Variants in PTPRN2 observed in about 807,000 individuals in gnomAD.
PTPRN2 encodes receptor-type tyrosine-protein phosphatase N2.
In PTPRN2, 74 loss-of-function variants were observed where a neutral mutation model predicts 118.8. That is an observed-to-expected ratio of 0.62 (90% CI 0.52 to 0.76). PTPRN2 has a LOEUF of 0.76. Among genes scored for constraint, PTPRN2 ranks in the 30% least tolerant of loss-of-function variants. The pLI is 0.00. For missense variants in PTPRN2, 1,481 were observed against 1,394.4 expected, an observed-to-expected ratio of 1.06 and a Z score of -0.99; for synonymous variants, 641 against 608.0, an observed-to-expected ratio of 1.05 and a Z score of -0.80.
intron 12 of PTPRN2, among the ~76,000 whole-genome samples, chr7:157,790,897 G>A (rs750757352): frequency 2.6e-5 from 4 of 152,120 alleles, no homozygotes; most frequent in Non-Finnish European, 5.9e-5. Flanking sequence ...AAGACATTCC[G>A]TTCTGTAATG....
At chr7:157,635,317 C>G (rs1739244696) in intron 14 of PTPRN2, among the ~76,000 whole-genome samples, 3 of 152,258 alleles carry the variant, frequency 2.0e-5, no homozygotes. Flanking sequence ...GTGGGAGTGC[C>G]TCCCAGTTTC....
chr7:157,849,260 T>C (rs1283897296), intron 12 of PTPRN2, among the ~76,000 whole-genome samples: 1 of 152,046 alleles, frequency 6.6e-6, no homozygotes, highest in East Asian at 1.9e-4. Context: ...GGTGCCTTTC[T>C]CCCCCAGGCT....
chr7:158,461,800 A>G (rs76827231), intron 2 of PTPRN2, among the ~76,000 whole-genome samples: 13,528 of 152,272 alleles, frequency 0.089, 667 homozygotes, highest in Middle Eastern at 0.11. Context: ...CATTATAAAT[A>G]AAGCTGTAAC....
At chr7:158,185,883 C>T (rs1825090858) in intron 5 of PTPRN2, among the ~76,000 whole-genome samples, 2 of 152,160 alleles carry the variant, frequency 1.3e-5, no homozygotes, top group South Asian at 4.1e-4. Flanking sequence ...GTCGGTCCCA[C>T]CCTGGCTTTC....
chr7:158,083,534 G>A (rs887732829), intron 10 of PTPRN2, among the ~76,000 whole-genome samples: 3 of 152,166 alleles, frequency 2.0e-5, no homozygotes, highest in African/African-American at 7.2e-5. Flanking sequence ...GAGGTTCTTG[G>A]TTCCTCAGAG....
rs375336508 is a variant in PTPRN2 at position 158,256,576 on chromosome 7, G to A, written c.278-51303C>T. Among the ~76,000 whole-genome samples, 34 of 152,222 alleles carry A rather than the reference G, an allele frequency of 2.2e-4. 1 individual carries two copies. The East Asian group carries it at 4.7e-3, about 21-fold the overall frequency. ...GGTGGTGGAGGAGACAGAAGCTGGC[G>A]GGGGCGGGGGGGAACCTAGGCAGCT... On this transcript the variant is annotated intron_variant, in intron 3 of 22. Transcript: ENST00000389418.
intron 14 of PTPRN2, among the ~76,000 whole-genome samples, chr7:157,650,724 C>T (rs755564683): frequency 3.4e-4 from 52 of 152,322 alleles, no homozygotes; most frequent in Middle Eastern, 3.4e-3. Context: ...GCCAGGGGAG[C>T]GCCTGCCAAG....
At chr7:158,180,215 C>T (rs1291306533) in intron 5 of PTPRN2, among the ~76,000 whole-genome samples, 1 of 152,230 alleles carries the variant, frequency 6.6e-6, no homozygotes, top group Non-Finnish European at 1.5e-5. Context: ...TTTACCAAAA[C>T]CATTTATCAA....
chr7:157,807,838 T>A (rs1414913316), intron 12 of PTPRN2, among the ~76,000 whole-genome samples: 3 of 152,222 alleles, frequency 2.0e-5, no homozygotes, highest in Non-Finnish European at 4.4e-5. Flanking sequence ...TGAGATCCAG[T>A]GTCTGTGGAG....
intron 1 of PTPRN2, among the ~76,000 whole-genome samples, chr7:158,522,144 G>T (rs867696271): frequency 1.4e-5 from 1 of 70,174 alleles, no homozygotes; most frequent in African/African-American, 6.2e-5. Flanking sequence ...GCTCAGGAGG[G>T]AGGTCCACGT....
intron 15 of PTPRN2, among the ~76,000 whole-genome samples, chr7:157,608,608 G>A (rs933940603): frequency 1.3e-5 from 2 of 152,134 alleles, no homozygotes; most frequent in Non-Finnish European, 2.9e-5. Context: ...TCCAGTTCCC[G>A]AGTCCCCTAA....
chr7:158,444,735 C>G lies in PTPRN2; in HGVS notation c.163+45000G>C, dbSNP rs564653433. ...CCTCAGCCTGTCTCCCTTTCCTCGT[C>G]CTCAGTGCTCCTCACAGACCCCAAG... On this transcript the variant is annotated intron_variant, in intron 2 of 22. Transcript: ENST00000389418. Among the ~76,000 whole-genome samples the G allele has an allele frequency of 4.6e-5, 7 of 152,344 alleles. No homozygotes were observed. The East Asian group carries it at 7.7e-4, about 17-fold the overall frequency.
intron 3 of PTPRN2, among the ~76,000 whole-genome samples, chr7:158,294,057 C>T (rs1245597093): frequency 6.6e-6 from 1 of 152,242 alleles, no homozygotes; most frequent in Non-Finnish European, 1.5e-5. Flanking sequence ...CTAGACTAGA[C>T]TTTCATACAA....
chr7:157,745,973 C>T (rs578124748), intron 12 of PTPRN2, among the ~76,000 whole-genome samples: 1 of 143,422 alleles, frequency 7.0e-6, no homozygotes, highest in East Asian at 2.1e-4. Context: ...TCCCCTGCAC[C>T]CCACAGTCCT....
At chr7:157,666,944 G>A (rs1002777318) in intron 13 of PTPRN2, among the ~76,000 whole-genome samples, 2 of 151,536 alleles carry the variant, frequency 1.3e-5, no homozygotes, top group African/African-American at 4.9e-5. Context: ...TCTGGTGGGT[G>A]CAATGAGTAC....
At chr7:158,492,869 C>A (rs577285020) in intron 1 of PTPRN2, among the ~76,000 whole-genome samples, 1 of 152,372 alleles carries the variant, frequency 6.6e-6, no homozygotes, top group African/African-American at 2.4e-5. Context: ...GGCTCCACAC[C>A]CGCCATGTGG....
chr7:157,904,796 C>T lies in PTPRN2; in HGVS notation c.1724-6059G>A, dbSNP rs77306044. ...ACACAGAGAGGCCCGCACCTCCCTC[C>T]TCCTGCATCGCGAACGCTGCACAAG... is the stretch of plus-strand genomic sequence containing the variant. On this transcript the variant is annotated intron_variant, in intron 11 of 22. Transcript: ENST00000389418. Among the ~76,000 whole-genome samples, 778 of 152,348 alleles carry T rather than the reference C, an allele frequency of 5.1e-3. 6 individuals carry two copies. The highest frequency in any genetic ancestry group is 0.018 in the African/African-American group (748 of 41,584).
chr7:157,822,486 T>C (rs1486292868), intron 12 of PTPRN2, among the ~76,000 whole-genome samples: 1 of 151,982 alleles, frequency 6.6e-6, no homozygotes, highest in African/African-American at 2.4e-5. Context: ...CTATATGCTA[T>C]CCATCATCCA....
Position 157,801,524 on chromosome 7 carries a change from C to T in PTPRN2, c.1788+97149G>A, listed in dbSNP as rs766701661. On this transcript the variant is annotated intron_variant, in intron 12 of 22. Transcript: ENST00000389418. This position sits in a 1 kb window ranked among gnomAD's most constrained non-coding sequence, Gnocchi z 4.2. The stretch of plus-strand genomic sequence containing the variant: ...AAACAGCACAAATCCCCATTTCTGC[C>T]CCACTGGGTTGAGAAATCTGTGGGT... Among the ~76,000 whole-genome samples, 8 of 151,952 alleles carry T rather than the reference C, an allele frequency of 5.3e-5. No homozygotes were observed. The highest frequency in any genetic ancestry group is 1.0e-4 in the Non-Finnish European group (7 of 68,006).
Sources: gnomAD v4.1 joint callset for allele counts (sites outside exome capture counted in the v4.1 genomes callset) on GRCh38, gnomAD v4.1.1 for gene constraint, Gnocchi (gnomAD v3.1) non-coding constraint, MANE v1.5 for transcripts, NCBI Gene and HGNC (gene_info 2026-07-23, HGNC 2026-07-21) for gene names.